SLC49A3: variants seen among roughly 807,000 people sequenced by gnomAD.
SLC49A3 encodes the protein solute carrier family 49 member A3.
In SLC49A3, 50 loss-of-function variants were observed where a neutral mutation model predicts 43.8. The observed-to-expected ratio is 1.14, with a 90% CI of 0.91 to 1.45. SLC49A3 has a LOEUF of 1.45. Ranked by LOEUF, SLC49A3 falls within the 40% of genes most tolerant of loss-of-function variation. SLC49A3 has a pLI of 0.00. For missense variants in SLC49A3, 906 were observed against 774.1 expected (o/e 1.17, Z -2.02); for synonymous variants, 413 against 352.0 (o/e 1.17, Z -1.94).
rs1280874805 is a variant in SLC49A3, at chr4:685,035, G to A, written c.586-179C>T. The A allele has an allele frequency of 6.2e-6, 5 of 801,672 alleles. No homozygotes were observed. The East Asian group carries it at 8.7e-5, about 14-fold the overall frequency. The allele number at this position is 801,672 out of a possible 1,614,324, so 49.7% of individuals were successfully genotyped here. ...AGGCTGGGAGGGGCCTGCTCCAGGG[G>A]CTCATGGGGACCCCTGGCTGTCAAC... On this transcript the variant is annotated intron_variant, in intron 4 of 9. Coordinates refer to ENST00000322224, the MANE Select transcript of SLC49A3 (RefSeq NM_032219.4). The surrounding 1 kb of genome is among the most constrained non-coding windows in gnomAD (Gnocchi z 4.3).
chr4:690,579 G>T (rs374317163), upstream of SLC49A3, among the ~76,000 whole-genome samples: 7 of 152,360 alleles, frequency 4.6e-5, no homozygotes, highest in South Asian at 1.4e-3. Flanking sequence ...CTTCCCTGTT[G>T]AGGGACCTCA....
At chr4:677,957 C>T (rs973666627), downstream of SLC49A3, 5 of 1,612,540 alleles carry the variant, frequency 3.1e-6, no homozygotes, top group African/African-American at 6.7e-5. Context: ...TCCTGGGGGA[C>T]CAAGCAGGAG....
downstream of SLC49A3, chr4:681,681 CCCCGCCCCCTCCAGCGCCG>C (rs1204246939): frequency 2.3e-5 from 1 of 43,000 alleles, no homozygotes; most frequent in East Asian, 6.0e-4. Flanking sequence ...TCCAGCGCCG[CCCCGCCCCCTCCAGCGCCG>C]CCCCGCCCCC....
downstream of SLC49A3, among the ~76,000 whole-genome samples, chr4:681,447 C>G (rs945577528): frequency 6.7e-6 from 1 of 149,930 alleles, no homozygotes; most frequent in Non-Finnish European, 1.5e-5. Flanking sequence ...CCCCCCACCC[C>G]CGACGCGCCG....
chr4:677,856 C>T, downstream of SLC49A3: 1 of 1,118,640 alleles, frequency 8.9e-7, no homozygotes, highest in East Asian at 2.4e-5. Context: ...GAGTCACTGC[C>T]AGGCTGCCAA....
chr4:689,375 G>C (rs564627594), upstream of SLC49A3: 1 of 300,140 alleles, frequency 3.3e-6, no homozygotes, highest in South Asian at 1.6e-4. Flanking sequence ...CAGGCTGGAA[G>C]TCCCTGCCAC....
At position 684,617 on chromosome 4, in the gene SLC49A3, C is replaced by T; in HGVS notation, c.724-18G>A. 2 of 1,612,444 alleles carry T rather than the reference C, an allele frequency of 1.2e-6. No individual in the cohort carries two copies. Among genetic ancestry groups the T allele is most frequent in the Non-Finnish European group, 1.7e-6 (2 of 1,179,748 alleles). The stretch of plus-strand genomic sequence containing the variant: ...CACATGAGCTGCTGGGAAAGAGCGT[C>T]TCAGCCCCGGAGCCCGGGGGCCCTT... On this transcript the variant is annotated intron_variant, in intron 5 of 9. Transcript: ENST00000322224.
Position 682,346 on chromosome 4 carries a change from G to T in SLC49A3, c.1292C>A (p.Thr431Asn). 1 of 1,346,408 alleles carries T rather than the reference G, an allele frequency of 7.4e-7. No homozygotes were observed. The highest frequency in any genetic ancestry group is 9.6e-7 in the Non-Finnish European group (1 of 1,038,942). The allele number at this position is 1,346,408 out of a possible 1,614,324, so 83.4% of individuals were successfully genotyped here. ...GACCGCCAGGATGCAGCTGAAGAAGGTGCACAGGCCGGCCATCAGCAGCAG... is the reference window on the plus strand; with the variant it reads ...GACCGCCAGGATGCAGCTGAAGAAGTTGCACAGGCCGGCCATCAGCAGCAG... ...VSLLLMAGLCTFFSCILAVFF... is the reference protein window; with the variant it reads ...VSLLLMAGLCNFFSCILAVFF... Residue 431 changes from threonine (T) to asparagine (N), a missense_variant, in exon 10 of 10, where the codon ACC (threonine) becomes AAC (asparagine). Thr to Asn is a moderately conservative substitution (Grantham distance 65). Coordinates refer to ENST00000322224, the MANE Select transcript of SLC49A3 (RefSeq NM_032219.4).
At chr4:686,032 C>T (rs199614876) in intron 3 of SLC49A3, 57 bp downstream of exon 3, 186 of 1,607,394 alleles carry the variant, frequency 1.2e-4, no homozygotes, top group South Asian at 7.0e-4. Flanking sequence ...GGGAGCCGAG[C>T]GTCTGTGTGG....
Position 686,279 on chromosome 4 carries a change from G to A in SLC49A3, c.318C>T (p.Asn106=), listed in dbSNP as rs1338238480. The part of the protein sequence containing the change: ...RAATILGAWL[N]FAGSVLRMVP... ...CCATGCGTAGCACACTCCCGGCAAA[G>A]TTCAGCCACGCACCCAGGATGGTCT... The change falls in exon 3 of 10, where the codon AAC becomes AAT. Residue 106 remains asparagine, a synonymous_variant. Transcript: ENST00000322224. 6.2e-7 allele frequency: 1 copy of A among 1,613,216 alleles called. No homozygotes were observed. The highest frequency in any genetic ancestry group is 8.5e-7 in the Non-Finnish European group (1 of 1,180,016).
At chr4:683,062 G>C in intron 8 of SLC49A3, 148 bp downstream of exon 8, 1 of 1,177,644 alleles carries the variant, frequency 8.5e-7, no homozygotes, top group Non-Finnish European at 1.2e-6. Context: ...CACAGCAGGT[G>C]CTCAGAACCT....
downstream of SLC49A3, chr4:679,165 A>C (rs1739174615): frequency 1.1e-6 from 1 of 892,858 alleles, no homozygotes. Context: ...ACGGCCCTGA[A>C]GCTGCAAGGT....
downstream of SLC49A3, chr4:681,030 C>A: frequency 6.5e-7 from 1 of 1,543,600 alleles, no homozygotes; most frequent in Non-Finnish European, 8.8e-7. Flanking sequence ...GCACCTGAGC[C>A]CCACCGAGAA....
intron 9 of SLC49A3, 27 bp from the exon 10 acceptor site, chr4:682,403 C>T (rs769857615): frequency 3.6e-5 from 47 of 1,323,222 alleles, no homozygotes; most frequent in Non-Finnish European, 4.6e-5. Context: ...CAGCTGTCCC[C>T]ACAGCCAAGC....
Position 686,204 on chromosome 4 carries a change from A to C in SLC49A3, c.393T>G (p.Gly131=). ...GGGCAAGGGCACAGAGGCTCTGGCC[A>C]CCCATGAGGAAGGCAAATGGGTTTT... ...GTQNPFAFLM[G]GQSLCALAQS... The change falls in exon 3 of 10, where the codon GGT becomes GGG. Residue 131 remains glycine, a synonymous_variant. Transcript: ENST00000322224. 2 of 1,613,554 alleles carry C rather than the reference A, an allele frequency of 1.2e-6. No individual in the cohort carries two copies. The highest frequency in any genetic ancestry group is 1.7e-6 in the Non-Finnish European group (2 of 1,180,014).
chr4:684,854 G>C lies in SLC49A3; in HGVS notation c.588C>G (p.Leu196=). Residue 196 remains leucine, a splice_region_variant and synonymous_variant, in exon 5 of 10, where the codon CTC becomes CTG. Coordinates refer to ENST00000322224, the MANE Select transcript of SLC49A3 (RefSeq NM_032219.4). ...VKKGEDIPLM[L]GVYTIPAGVV... ...CGCCAGCAGGGATGGTATAGACACC[G>C]AGCTGGGGAGGGGTGTGTGTGCACA... is the stretch of plus-strand genomic sequence containing the variant. 6.2e-7 allele frequency: 1 copy of C among 1,611,348 alleles called. No individual in the cohort carries two copies. Among genetic ancestry groups the C allele is most frequent in the Non-Finnish European group, 8.5e-7 (1 of 1,179,550 alleles).
chr4:686,313 G>GGGGTCGGGGACC lies in SLC49A3; in HGVS notation c.295-23_295-12dup, dbSNP rs1741019251. ...CGCACCCAGGATGGTCTGCGAGGAG[G>GGGGTCGGGGACC]GGGTCGGGGACCGGGTCAGGAACGC... On this transcript the variant is annotated splice_polypyrimidine_tract_variant and intron_variant, in intron 2 of 9. Coordinates refer to ENST00000322224, the MANE Select transcript of SLC49A3 (RefSeq NM_032219.4). The GGGGTCGGGGACC allele has an allele frequency of 1.2e-6, 2 of 1,612,500 alleles. No individual in the cohort carries two copies. The highest frequency in any genetic ancestry group is 2.7e-5 in the African/African-American group (2 of 74,922).
downstream of SLC49A3, chr4:681,777 G>C (rs1245459725): frequency 8.4e-7 from 1 of 1,188,340 alleles, no homozygotes; most frequent in Admixed American, 4.6e-5. Flanking sequence ...CCCCGCACCC[G>C]GGCCCCTCCC....
intron 6 of SLC49A3, among the ~76,000 whole-genome samples, chr4:684,064 C>A (rs1740464649): frequency 6.6e-6 from 1 of 152,258 alleles, no homozygotes; most frequent in African/African-American, 2.4e-5. Flanking sequence ...ACACTGAGCA[C>A]TGATCCCAGA....
Sources: allele counts gnomAD v4.1 joint callset (sites outside exome capture counted in the v4.1 genomes callset), GRCh38; gene constraint gnomAD v4.1.1; non-coding constraint Gnocchi (gnomAD v3.1); transcripts MANE v1.5; gene names NCBI Gene and HGNC (gene_info 2026-07-23, HGNC 2026-07-21).